AGMO: variants seen among roughly 807,000 people sequenced by gnomAD.
AGMO encodes the protein alkylglycerol monooxygenase.
Under a neutral mutation model 60.2 loss-of-function variants are expected in AGMO, and 75 were observed. That is an observed-to-expected ratio of 1.25 (90% CI 1.03 to 1.51). The LOEUF (loss-of-function observed/expected upper bound fraction) is 1.51, where lower values mean the gene tolerates loss of function less well. Ranked by LOEUF, AGMO falls within the 40% of genes most tolerant of loss-of-function variation. AGMO has a pLI of 0.00. For missense variants in AGMO, 763 were observed against 525.5 expected (o/e 1.45, Z -4.42); for synonymous variants, 261 against 177.1 (o/e 1.47, Z -3.76).
intron 10 of AGMO, among the ~76,000 whole-genome samples, chr7:15,382,347 G>A (rs1562474162): frequency 6.6e-6 from 1 of 152,074 alleles, no homozygotes; most frequent in African/African-American, 2.4e-5. Flanking sequence ...TATATACGAG[G>A]AATGTGCTCG....
rs370539966 is a variant in AGMO, at chr7:15,202,085, T to C, written c.1264-726A>G. ...CTTTCCTGATCACCATTTTAGGTGG[T>C]TGGGTAACTGGAATGATGATGAAAG... On this transcript the variant is annotated intron_variant, in intron 12 of 12. Transcript: ENST00000342526. Among the ~76,000 whole-genome samples, 73 of 152,126 alleles carry C rather than the reference T, an allele frequency of 4.8e-4. 1 individual carries two copies. In the South Asian group the frequency reaches 0.014, roughly 29 times the overall value.
At chr7:15,161,846 G>C in the AGMO span, among the ~76,000 whole-genome samples, 1 of 151,952 alleles carries the variant, frequency 6.6e-6, no homozygotes, top group South Asian at 2.1e-4. Context: ...CTGCACAGAT[G>C]AACAAGACAT....
the AGMO span, among the ~76,000 whole-genome samples, chr7:15,170,540 CTTATAT>C: frequency 6.6e-6 from 1 of 151,866 alleles, no homozygotes; most frequent in Admixed American, 6.6e-5. Flanking sequence ...CTAACCAAGG[CTTATAT>C]TTATTTTTAT....
At chr7:15,343,684 A>C (rs1563098464) in intron 12 of AGMO, among the ~76,000 whole-genome samples, 1 of 152,284 alleles carries the variant, frequency 6.6e-6, no homozygotes, top group South Asian at 2.1e-4. Context: ...CTTGAAAATG[A>C]CATGAGCTTT....
the AGMO span, among the ~76,000 whole-genome samples, chr7:15,131,413 C>T: frequency 1.1e-3 from 169 of 152,220 alleles, no homozygotes; most frequent in Middle Eastern, 3.4e-3. Context: ...TTTTCTCCCT[C>T]TCCTTATCTC....
intron 3 of AGMO, among the ~76,000 whole-genome samples, chr7:15,486,037 T>C (rs1013455310): frequency 3.9e-5 from 6 of 152,154 alleles, no homozygotes; most frequent in Non-Finnish European, 7.4e-5. Context: ...TTCAGAACGA[T>C]TAGAATAGTG....
At chr7:15,360,644 T>C (rs1297110837) in intron 12 of AGMO, among the ~76,000 whole-genome samples, 2 of 150,656 alleles carry the variant, frequency 1.3e-5, no homozygotes, top group African/African-American at 4.9e-5. Flanking sequence ...TTGGAGGAGG[T>C]GGAGGAGGTG....
intron 12 of AGMO, among the ~76,000 whole-genome samples, chr7:15,338,471 T>C (rs1261109019): frequency 6.6e-6 from 1 of 151,150 alleles, no homozygotes; most frequent in Non-Finnish European, 1.5e-5. Flanking sequence ...TCTGATCTTA[T>C]TTAATTTAAA....
At chr7:15,434,332 T>C (rs1781337636) in intron 3 of AGMO, among the ~76,000 whole-genome samples, 1 of 152,146 alleles carries the variant, frequency 6.6e-6, no homozygotes, top group Non-Finnish European at 1.5e-5. Flanking sequence ...TCATGCCTTT[T>C]ATAATCTCCT....
chr7:15,248,179 C>T (rs1324370695), intron 12 of AGMO, among the ~76,000 whole-genome samples: 12 of 32,654 alleles, frequency 3.7e-4, no homozygotes, highest in South Asian at 1.4e-3. Context: ...GATCCAGCAC[C>T]ATATATATAT....
chr7:15,550,819 A>G (rs1784932559), intron 2 of AGMO, among the ~76,000 whole-genome samples: 1 of 140,626 alleles, frequency 7.1e-6, no homozygotes, highest in Non-Finnish European at 1.5e-5. Flanking sequence ...TCATTTTATG[A>G]GGCCAGCATC....
At chr7:15,555,849 T>C (rs1359501434) in intron 2 of AGMO, among the ~76,000 whole-genome samples, 1 of 151,984 alleles carries the variant, frequency 6.6e-6, no homozygotes, top group Non-Finnish European at 1.5e-5. Flanking sequence ...CTAATGCAAA[T>C]ATTAAGAACA....
chr7:15,406,435 G>A (rs867501813), intron 5 of AGMO, among the ~76,000 whole-genome samples: 1,299 of 113,932 alleles, frequency 0.011, no homozygotes, highest in African/African-American at 0.018. Context: ...ACATATATGC[G>A]TGCATATGTA....
At chr7:15,197,844 C>G (rs1583284417), downstream of AGMO, among the ~76,000 whole-genome samples, 1 of 152,252 alleles carries the variant, frequency 6.6e-6, no homozygotes, top group East Asian at 1.9e-4. Context: ...TTGCCTTATT[C>G]AGATGTCTGA....
At chr7:15,359,753 T>C (rs1782680411) in intron 12 of AGMO, among the ~76,000 whole-genome samples, 1 of 152,238 alleles carries the variant, frequency 6.6e-6, no homozygotes, top group Admixed American at 6.5e-5. Context: ...CTAAATAAAA[T>C]GTTTTATTGT....
At chr7:15,553,906 C>T (rs1228992329) in intron 2 of AGMO, among the ~76,000 whole-genome samples, 1 of 152,060 alleles carries the variant, frequency 6.6e-6, no homozygotes, top group African/African-American at 2.4e-5. Flanking sequence ...CCACATCCCA[C>T]ACACATTAGC....
At chr7:15,560,679 T>G (rs1030060837) in intron 1 of AGMO, among the ~76,000 whole-genome samples, 1 of 152,188 alleles carries the variant, frequency 6.6e-6, no homozygotes, top group African/African-American at 2.4e-5. Context: ...AATTCTAATT[T>G]TTCATATTAG....
chr7:15,262,611 A>G (rs1252446065), intron 12 of AGMO, among the ~76,000 whole-genome samples: 1 of 152,038 alleles, frequency 6.6e-6, no homozygotes, highest in African/African-American at 2.4e-5. Context: ...CTAAAAAAAA[A>G]TCCAAAAATT....
chr7:15,399,192 G>A (rs1784489544), intron 5 of AGMO, among the ~76,000 whole-genome samples: 1 of 152,062 alleles, frequency 6.6e-6, no homozygotes, highest in Non-Finnish European at 1.5e-5. Flanking sequence ...TGAGAACTAT[G>A]GATGCCTAGA....
Sources: allele counts gnomAD v4.1 joint callset (sites outside exome capture counted in the v4.1 genomes callset), GRCh38; gene constraint gnomAD v4.1.1; transcripts MANE v1.5; gene names NCBI Gene and HGNC (gene_info 2026-07-23, HGNC 2026-07-21).